Variants in FRMD3 observed in about 807,000 individuals in gnomAD.
FRMD3 encodes FERM domain containing 3.
A neutral mutation model predicts 70.2 loss-of-function variants in FRMD3; 33 were observed. That is an observed-to-expected ratio of 0.47 (90% CI 0.36 to 0.63). The LOEUF (loss-of-function observed/expected upper bound fraction) is 0.63, where lower values mean the gene tolerates loss of function less well. Among genes scored for constraint, FRMD3 ranks in the 20% least tolerant of loss-of-function variants. The probability of loss-of-function intolerance (pLI) is 0.00; values close to 1 mark genes in which losing one functional copy is unlikely to be tolerated. For missense variants in FRMD3, 632 were observed against 711.4 expected (o/e 0.89, Z 1.27); for synonymous variants, 279 against 255.9 (o/e 1.09, Z -0.86).
At chr9:83,369,197 G>A (rs1824888750) in intron 3 of FRMD3, among the ~76,000 whole-genome samples, 1 of 152,176 alleles carries the variant, frequency 6.6e-6, no homozygotes, top group South Asian at 2.1e-4. Flanking sequence ...ACAAAATGCA[G>A]TACTGTATAC....
intron 3 of FRMD3, among the ~76,000 whole-genome samples, chr9:83,365,021 CTA>C (rs1428522842): frequency 6.6e-6 from 1 of 152,080 alleles, no homozygotes; most frequent in African/African-American, 2.4e-5. Context: ...ATCTTAATTA[CTA>C]TATGTGTCTC....
chr9:83,279,794 G>C (rs1833910838), intron 13 of FRMD3, among the ~76,000 whole-genome samples: 1 of 150,320 alleles, frequency 6.7e-6, no homozygotes, highest in African/African-American at 2.5e-5. Flanking sequence ...ACTGGGGCCT[G>C]TCAGCAGGGG....
chr9:83,354,527 T>C (rs766157481), intron 3 of FRMD3, among the ~76,000 whole-genome samples: 1 of 152,084 alleles, frequency 6.6e-6, no homozygotes, highest in Admixed American at 6.5e-5. Flanking sequence ...GGGGCAAGTG[T>C]TGAACAACAA....
intron 3 of FRMD3, among the ~76,000 whole-genome samples, chr9:83,362,211 A>ATCTCTCTCTCTCTCTC (rs1564035399): frequency 2.1e-5 from 3 of 141,660 alleles, no homozygotes; most frequent in African/African-American, 7.9e-5. Context: ...CTCTCTCTCA[A>ATCTCTCTCTCTCTCTC]TCTCAATCTC....
intron 5 of FRMD3, among the ~76,000 whole-genome samples, chr9:83,337,314 C>T (rs918609380): frequency 2.6e-5 from 4 of 152,130 alleles, no homozygotes; most frequent in African/African-American, 9.7e-5. Flanking sequence ...AGAAATAAAG[C>T]TCTTCTTTCC....
At chr9:83,392,002 A>C (rs1825678286) in intron 1 of FRMD3, among the ~76,000 whole-genome samples, 1 of 152,246 alleles carries the variant, frequency 6.6e-6, no homozygotes, top group East Asian at 1.9e-4. Context: ...TTGAAGTTTG[A>C]GAAGCATTGG....
chr9:83,371,854 G>T (rs1453782859), intron 3 of FRMD3, among the ~76,000 whole-genome samples: 1 of 152,200 alleles, frequency 6.6e-6, no homozygotes, highest in Non-Finnish European at 1.5e-5. Flanking sequence ...GGAGGAATGG[G>T]AAGGGAGGAA....
chr9:83,324,145 T>G (rs550875865), intron 6 of FRMD3, among the ~76,000 whole-genome samples: 7 of 152,350 alleles, frequency 4.6e-5, no homozygotes, highest in Admixed American at 4.6e-4. Context: ...TATGTATCAC[T>G]GTGGAAGAAT....
Position 83,256,638 on chromosome 9 carries a change from A to G in FRMD3, c.1196-8122T>C, listed in dbSNP as rs1187839777. ...CATCTGACAAAGGTCTAATGTCCAC[A>G]GTCTACAAGGAACTTAAACAAATTT... On this transcript the variant is annotated intron_variant, in intron 13 of 13. Transcript: ENST00000304195. Among the ~76,000 whole-genome samples, 3 of 152,052 alleles carry G rather than the reference A, an allele frequency of 2.0e-5. No homozygotes were observed. The East Asian group carries it at 5.8e-4, about 29-fold the overall frequency.
chr9:83,293,182 G>A (rs777770761), intron 12 of FRMD3, among the ~76,000 whole-genome samples: 21 of 152,108 alleles, frequency 1.4e-4, no homozygotes, highest in Non-Finnish European at 2.8e-4. Context: ...AAGGAGGGGA[G>A]GGAGGGAGGA....
At chr9:83,463,717 T>C (rs1828040729) in intron 1 of FRMD3, among the ~76,000 whole-genome samples, 1 of 152,188 alleles carries the variant, frequency 6.6e-6, no homozygotes, top group Non-Finnish European at 1.5e-5. Context: ...AAGAAAGTGC[T>C]CTGCCCACCC....
chr9:83,318,585 G>A (rs924582016), intron 6 of FRMD3, among the ~76,000 whole-genome samples: 1 of 152,018 alleles, frequency 6.6e-6, no homozygotes, highest in Non-Finnish European at 1.5e-5. Flanking sequence ...GAATAGTGCT[G>A]TAATAAACAT....
chr9:83,564,303 C>T, the FRMD3 span, among the ~76,000 whole-genome samples: 1 of 152,176 alleles, frequency 6.6e-6, no homozygotes, highest in Non-Finnish European at 1.5e-5. Context: ...AAGCATTCCT[C>T]TCCAATTGTA....
At chr9:83,416,603 C>T (rs1826448385) in intron 1 of FRMD3, among the ~76,000 whole-genome samples, 1 of 152,160 alleles carries the variant, frequency 6.6e-6, no homozygotes, top group African/African-American at 2.4e-5. Context: ...AAATAAGCAA[C>T]TTCATGTGAC....
At chr9:83,515,888 G>A (rs1422253393) in intron 1 of FRMD3, among the ~76,000 whole-genome samples, 1 of 152,122 alleles carries the variant, frequency 6.6e-6, no homozygotes, top group South Asian at 2.1e-4. Flanking sequence ...AAGTGAAGGA[G>A]AAATAAAATC....
intron 1 of FRMD3, among the ~76,000 whole-genome samples, chr9:83,534,655 A>G (rs1319014942): frequency 4.6e-5 from 7 of 152,192 alleles, no homozygotes; most frequent in Non-Finnish European, 5.9e-5. Context: ...ATGCATAGGC[A>G]TAATTTGGGG....
intron 2 of FRMD3, among the ~76,000 whole-genome samples, chr9:83,384,737 G>A (rs985427924): frequency 9.2e-5 from 14 of 152,172 alleles, no homozygotes; most frequent in African/African-American, 3.1e-4. Flanking sequence ...GGCACTTGAG[G>A]AGTGTACCCC....
At chr9:83,442,401 G>C (rs1419637403) in intron 1 of FRMD3, among the ~76,000 whole-genome samples, 1 of 151,772 alleles carries the variant, frequency 6.6e-6, no homozygotes, top group African/African-American at 2.4e-5. Context: ...GGGACTACAG[G>C]TGTACACCAG....
At chr9:83,360,706 C>T (rs1174470095) in intron 3 of FRMD3, among the ~76,000 whole-genome samples, 1 of 152,232 alleles carries the variant, frequency 6.6e-6, no homozygotes, top group East Asian at 1.9e-4. Flanking sequence ...AACCCCTGCA[C>T]ACACTACTGC....
Sources: allele counts gnomAD v4.1 joint callset (sites outside exome capture counted in the v4.1 genomes callset), GRCh38; gene constraint gnomAD v4.1.1; transcripts MANE v1.5; gene names NCBI Gene and HGNC (gene_info 2026-07-23, HGNC 2026-07-21).